The following PKHD1L1 variants were observed in gnomAD, a reference collection of about 807,000 sequenced individuals.
PKHD1L1 encodes fibrocystin-L.
A neutral mutation model predicts 462.9 loss-of-function variants in PKHD1L1; 434 were observed. The observed-to-expected ratio is 0.94, with a 90% CI of 0.87 to 1.02. The LOEUF (loss-of-function observed/expected upper bound fraction) is 1.02, where lower values mean the gene tolerates loss of function less well. PKHD1L1 is among the 50% of genes least tolerant of loss of function. The pLI, the probability that PKHD1L1 is intolerant of heterozygous loss-of-function variation, is 0.00. For missense variants in PKHD1L1, 5,202 were observed against 5,096.1 expected (o/e 1.02, Z -0.63); for synonymous variants, 1,781 against 1,750.0 (o/e 1.02, Z -0.44).
intron 52 of PKHD1L1, 86 bp from the exon 53 acceptor site, chr8:109,477,139 A>C (rs1818029274): frequency 7.5e-7 from 1 of 1,333,068 alleles, no homozygotes; most frequent in Non-Finnish European, 1.1e-6. Flanking sequence ...CTACCTAAAG[A>C]ACATTTTCCA....
intron 11 of PKHD1L1, among the ~76,000 whole-genome samples, chr8:109,398,223 A>G (rs1813076043): frequency 1.3e-5 from 2 of 152,188 alleles, no homozygotes; most frequent in African/African-American, 4.8e-5. Context: ...AGAAATTATG[A>G]AATTTTCTAT....
At chr8:109,425,943 G>C (rs1469922849) in intron 24 of PKHD1L1, among the ~76,000 whole-genome samples, 2 of 151,982 alleles carry the variant, frequency 1.3e-5, no homozygotes, top group African/African-American at 4.8e-5. Context: ...ATAGCTACCA[G>C]AAAATATACA....
intron 21 of PKHD1L1, among the ~76,000 whole-genome samples, chr8:109,417,971 C>T (rs746313288): frequency 4.6e-5 from 7 of 152,146 alleles, no homozygotes; most frequent in Non-Finnish European, 7.4e-5. Flanking sequence ...TTTCCCATCC[C>T]CCAAAATTGT....
rs969737938 is a variant in PKHD1L1 at position 109,493,874 on chromosome 8, C to T, written c.10327+123C>T. 2.2e-5 allele frequency: 12 copies of T among 538,398 alleles called. 1 individual carries two copies. The highest frequency in any genetic ancestry group is 3.9e-5 in the African/African-American group (2 of 51,492). The allele number at this position is 538,398 out of a possible 1,614,324, so 33.4% of individuals were successfully genotyped here. ...CTTTTCCTTCCGGGCACTGAAATAA[C>T]TCAACAAGATAAATTATTTCAAGAT... On this transcript the variant is annotated intron_variant, in intron 63 of 77. Transcript: ENST00000378402.
In PKHD1L1 at chr8:109,532,094, C is replaced by G. The variant is rs1163827246; in HGVS notation, c.*2004C>G. ...ATTGTAAAAGCCATAAAATTGTCCACCATCTGTATTCTTTTCTTACCTAAA... is the reference window on the plus strand; with the variant it reads ...ATTGTAAAAGCCATAAAATTGTCCAGCATCTGTATTCTTTTCTTACCTAAA... On this transcript the variant is annotated 3_prime_UTR_variant, in exon 78 of 78. Transcript: ENST00000378402. Among the ~76,000 whole-genome samples, 1 of 152,194 alleles carries G rather than the reference C, an allele frequency of 6.6e-6. No individual in the cohort carries two copies. The highest frequency in any genetic ancestry group is 1.5e-5 in the Non-Finnish European group (1 of 68,026).
rs369371521 is a variant in PKHD1L1 at position 109,486,755 on chromosome 8, T to A, written c.9814T>A (p.Ser3272Thr). ...KIVGEDYPGWSEDSFGARVLV... is the reference protein window; with the variant it reads ...KIVGEDYPGWTEDSFGARVLV... ...AGTTGGTGAAGATTACCCCGGTTGG[T>A]CTGAGGACTCTTTTGGAGCACGCGT... Residue 3272 changes from serine to threonine, a missense_variant, in exon 59 of 78, where the codon TCT becomes ACT. Ser to Thr is a moderately conservative substitution (Grantham distance 58, BLOSUM62 1). Transcript: ENST00000378402. The A allele has an allele frequency of 8.1e-6, 13 of 1,612,534 alleles. No homozygotes were observed. Among genetic ancestry groups the A allele is most frequent in the Non-Finnish European group, 1.1e-5 (13 of 1,178,916 alleles).
At chr8:109,527,380 T>G (rs1820872418) in intron 77 of PKHD1L1, among the ~76,000 whole-genome samples, 1 of 152,160 alleles carries the variant, frequency 6.6e-6, no homozygotes, top group Non-Finnish European at 1.5e-5. Context: ...GGTGGGCAAC[T>G]GTAATCCTAG....
At chr8:109,507,272 C>A (rs1819737098) in intron 68 of PKHD1L1, among the ~76,000 whole-genome samples, 1 of 152,044 alleles carries the variant, frequency 6.6e-6, no homozygotes, top group African/African-American at 2.4e-5. Context: ...GACTTCCCTG[C>A]CAACACAGGA....
At chr8:109,376,540 GA>G (rs1811844300) in intron 2 of PKHD1L1, among the ~76,000 whole-genome samples, 1 of 152,146 alleles carries the variant, frequency 6.6e-6, no homozygotes. Context: ...CCAGTGAGAT[GA>G]ACCCGGTACC....
chr8:109,476,395 C>G (rs528876471), intron 51 of PKHD1L1, 113 bp from the exon 52 acceptor site: 1 of 724,696 alleles, frequency 1.4e-6, no homozygotes, highest in African/African-American at 1.9e-5. Flanking sequence ...CAAACTAAAG[C>G]CAAAACTTTT....
intron 70 of PKHD1L1, among the ~76,000 whole-genome samples, chr8:109,508,864 TG>T (rs1282043985): frequency 6.6e-6 from 1 of 152,096 alleles, no homozygotes; most frequent in Non-Finnish European, 1.5e-5. Flanking sequence ...ATGGCCTCCA[TG>T]AGGATGCAGA....
intron 50 of PKHD1L1, chr8:109,470,949 G>A: frequency 6.2e-7 from 1 of 1,609,580 alleles, no homozygotes; most frequent in Non-Finnish European, 8.5e-7. Context: ...AACAACAGTG[G>A]GGAGTTCCTC....
chr8:109,384,083 G>C lies in PKHD1L1; in HGVS notation c.431G>C (p.Arg144Thr). The change falls in exon 5 of 78, where the codon AGA becomes ACA. Residue 144 changes from arginine (R) to threonine (T), a missense_variant. Physicochemically the swap from Arg to Thr is moderately conservative, Grantham distance 71. This residue lies in a region of PKHD1L1 where 4,497 missense variants were observed against 4,336.8 expected (regional missense o/e 1.04). Coordinates refer to ENST00000378402, the MANE Select transcript of PKHD1L1 (RefSeq NM_177531.6). ...WECTFNAKSF[R>T]TPTIRSITPL... ...TTCTTTTTACAGGCAAAAAGTTTTAGAACCCCAACAATAAGAAGCATCACA... is the reference window on the plus strand; with the variant it reads ...TTCTTTTTACAGGCAAAAAGTTTTACAACCCCAACAATAAGAAGCATCACA... The C allele has an allele frequency of 3.1e-6, 5 of 1,609,830 alleles. No individual in the cohort carries two copies. The highest frequency in any genetic ancestry group is 4.2e-6 in the Non-Finnish European group (5 of 1,176,588).
chr8:109,508,131 A>C lies in PKHD1L1; in HGVS notation c.11262A>C (p.Pro3754=). 1.2e-6 allele frequency: 2 copies of C among 1,612,536 alleles called. No homozygotes were observed. Among genetic ancestry groups the C allele is most frequent in the Non-Finnish European group, 1.7e-6 (2 of 1,179,072 alleles). The part of the protein sequence containing the change: ...IIRDSTCKYL[P]EWQSYQCFGM... ...GAGATTCAACCTGTAAGTACCTTCCAGAGTGGCAGAGCTATCAGTGCTTTG... is the reference window on the plus strand; with the variant it reads ...GAGATTCAACCTGTAAGTACCTTCCCGAGTGGCAGAGCTATCAGTGCTTTG... The change falls in exon 70 of 78, where the codon CCA becomes CCC. Residue 3754 remains proline, a synonymous_variant. Transcript: ENST00000378402.
rs1743049206 is a variant in PKHD1L1 at position 109,464,866 on chromosome 8, C to T, written c.8034C>T (p.Asn2678=). ...TCCATAACTTTGTGATGGTGAATAA[C>T]TATGAGGCTGGAATTGAGACTAAGA... The part of the protein sequence containing the change: ...LQFHNFVMVN[N]YEAGIETKRI... The change falls in exon 49 of 78, where the codon AAC becomes AAT. Residue 2678 remains asparagine, a synonymous_variant. Coordinates refer to ENST00000378402, the MANE Select transcript of PKHD1L1 (RefSeq NM_177531.6). 1 of 1,613,730 alleles carries T rather than the reference C, an allele frequency of 6.2e-7. No individual in the cohort carries two copies. The highest frequency in any genetic ancestry group is 8.5e-7 in the Non-Finnish European group (1 of 1,179,778).
intron 9 of PKHD1L1, among the ~76,000 whole-genome samples, chr8:109,393,593 A>G (rs1812810393): frequency 6.6e-6 from 1 of 152,166 alleles, no homozygotes; most frequent in African/African-American, 2.4e-5. Context: ...GTACTGTGTA[A>G]TACACACGTG....
chr8:109,500,491 A>G (rs955014581), intron 67 of PKHD1L1, among the ~76,000 whole-genome samples: 9 of 145,216 alleles, frequency 6.2e-5, no homozygotes, highest in African/African-American at 2.3e-4. Context: ...TTTGGCCAAC[A>G]TGGTGAAACC....
Position 109,526,959 on chromosome 8 carries a change from T to G in PKHD1L1, c.12660T>G (p.Val4220=). The change falls in exon 77 of 78, where the codon GTT becomes GTG. Residue 4220 remains valine (V), a synonymous_variant. Transcript: ENST00000378402. The part of the protein sequence containing the change: ...QIMTVVISCL[V]GRMWLLEIFM... Reference sequence around the variant, plus strand: ...TGACTGTAGTAATTAGCTGTCTGGTTGGAAGAATGTGGCTCTTGGAAATAT... The same window carrying G: ...TGACTGTAGTAATTAGCTGTCTGGTGGGAAGAATGTGGCTCTTGGAAATAT... 6.2e-7 allele frequency: 1 copy of G among 1,613,834 alleles called. No homozygotes were observed. Among genetic ancestry groups the G allele is most frequent in the Non-Finnish European group, 8.5e-7 (1 of 1,179,834 alleles).
At chr8:109,460,217 A>G (rs1399656352) in intron 47 of PKHD1L1, among the ~76,000 whole-genome samples, 1 of 152,126 alleles carries the variant, frequency 6.6e-6, no homozygotes, top group Non-Finnish European at 1.5e-5. Context: ...AAGAAACTGC[A>G]TTATTTATAT....
Sources: allele counts gnomAD v4.1 joint callset (sites outside exome capture counted in the v4.1 genomes callset), GRCh38; gene constraint gnomAD v4.1.1; regional missense constraint gnomAD v4.1.1; transcripts MANE v1.5; gene names NCBI Gene and HGNC (gene_info 2026-07-23, HGNC 2026-07-21).